The following FERMT1 variants were observed in gnomAD, a reference collection of about 807,000 sequenced individuals.
FERMT1 encodes the protein FERM domain containing kindlin 1, also known as fermitin family homolog 1.
In FERMT1, 60 loss-of-function variants were observed where a neutral mutation model predicts 85.3. The ratio of observed to expected loss-of-function variants is 0.70; its 90% confidence interval spans 0.57 to 0.87. The LOEUF (loss-of-function observed/expected upper bound fraction) is 0.87, where lower values mean the gene tolerates loss of function less well. Ranked by LOEUF, FERMT1 falls within the 40% of genes least tolerant of loss-of-function variation. The pLI is 0.00. For missense variants in FERMT1, 701 were observed against 818.9 expected, an observed-to-expected ratio of 0.86 and a Z score of 1.76; for synonymous variants, 275 against 301.1, an observed-to-expected ratio of 0.91 and a Z score of 0.90.
chr20:6,087,580 G>C (rs917707523), intron 11 of FERMT1, 197 bp downstream of exon 11: 3 of 587,254 alleles, frequency 5.1e-6, no homozygotes, highest in Non-Finnish European at 9.6e-6. Flanking sequence ...CAAAGTGCTG[G>C]GATTACAGGT....
chr20:6,106,846 A>G (rs551535587), intron 6 of FERMT1, among the ~76,000 whole-genome samples: 4 of 152,232 alleles, frequency 2.6e-5, no homozygotes, highest in African/African-American at 9.6e-5. Flanking sequence ...TAGCTTGTTC[A>G]TGGGAACCTG....
At chr20:6,102,811 T>C (rs1982697549) in intron 6 of FERMT1, among the ~76,000 whole-genome samples, 1 of 150,984 alleles carries the variant, frequency 6.6e-6, no homozygotes, top group African/African-American at 2.4e-5. Flanking sequence ...CAGTAAACCC[T>C]CCACCCTCGT....
At chr20:6,116,784 T>A (rs1199854243) in intron 2 of FERMT1, among the ~76,000 whole-genome samples, 1 of 151,998 alleles carries the variant, frequency 6.6e-6, no homozygotes, top group Non-Finnish European at 1.5e-5. Flanking sequence ...TACATTTAGA[T>A]ACCGTGGAGG....
rs2232067 is a variant in FERMT1 at position 6,094,810 on chromosome 20, G to C, written c.1139+129C>G. On this transcript the variant is annotated intron_variant, in intron 9 of 14. Coordinates refer to ENST00000217289, the MANE Select transcript of FERMT1 (RefSeq NM_017671.5). ...CTACGACTCAACCCATTGTTTGTCT[G>C]ATGGCAAAGCGCACATTTTACCTTT... The C allele has an allele frequency of 1.2e-3, 880 of 709,000 alleles. 9 individuals carry two copies. In the African/African-American group the frequency reaches 0.013, roughly 11 times the overall value. 43.9% of individuals were successfully genotyped at this position (709,000 alleles called of 1,614,324 possible).
At position 6,096,946 on chromosome 20, in the gene FERMT1, TAGAA is replaced by T; in HGVS notation, c.1041_1044del (p.Ser348IlefsTer4). The T allele has an allele frequency of 6.2e-7, 1 of 1,614,106 alleles. No individual in the cohort carries two copies. The highest frequency in any genetic ancestry group is 8.5e-7 in the Non-Finnish European group (1 of 1,179,974). On this transcript the variant is annotated frameshift_variant, in exon 8 of 15. Transcript: ENST00000217289. LOFTEE classifies it high-confidence loss of function. ...CCACCTTCTAGGGTTACTTCCAAAT[TAGAA>T]AGCGCCGCTTCTATTTCATCAACCT...
At chr20:6,094,047 T>C (rs1217519941) in intron 9 of FERMT1, 1 of 152,258 alleles carries the variant, frequency 6.6e-6, no homozygotes, top group Non-Finnish European at 1.5e-5. Context: ...ACCATACCTG[T>C]AGAAACCCAG....
intron 9 of FERMT1, 63 bp from the exon 10 acceptor site, chr20:6,089,152 T>A: frequency 6.5e-7 from 1 of 1,535,376 alleles, no homozygotes; most frequent in Non-Finnish European, 9.0e-7. Context: ...ACGCTGCAGA[T>A]TTCAAGCAGA....
Position 6,104,324 on chromosome 20 carries a change from G to A in FERMT1, c.849+3208C>T, listed in dbSNP as rs1353511274. On this transcript the variant is annotated intron_variant, in intron 6 of 14. Transcript: ENST00000217289. The surrounding 1 kb of genome is among the most constrained non-coding windows in gnomAD (Gnocchi z 4.2). ...CTGTAGATTTTAGTTTCTACTTGTA[G>A]GGTGCCTTGTAAATTTGCAGTGGCT... Among the ~76,000 whole-genome samples, 1 of 152,138 alleles carries A rather than the reference G, an allele frequency of 6.6e-6. No individual in the cohort carries two copies. The highest frequency in any genetic ancestry group is 1.9e-4 in the East Asian group (1 of 5,200).
chr20:6,095,628 G>A (rs908662114), intron 8 of FERMT1, among the ~76,000 whole-genome samples: 1 of 152,192 alleles, frequency 6.6e-6, no homozygotes, highest in Non-Finnish European at 1.5e-5. Context: ...AGGGAGGGAG[G>A]ACATAACTTT....
intron 13 of FERMT1, among the ~76,000 whole-genome samples, chr20:6,083,693 TAAAAAAAAAAAACA>T (rs1982072197): frequency 2.0e-5 from 2 of 99,692 alleles, no homozygotes; most frequent in African/African-American, 3.8e-5. Flanking sequence ...CCCGATCTCT[TAAAAAAAAAAAACA>T]AAAAAAAAAA....
intron 9 of FERMT1, chr20:6,094,054 C>T (rs933176329): frequency 1.3e-5 from 2 of 152,294 alleles, no homozygotes; most frequent in African/African-American, 2.4e-5. Flanking sequence ...CTGTAGAAAC[C>T]CAGTGACAAA....
intron 2 of FERMT1, among the ~76,000 whole-genome samples, chr20:6,116,787 C>T (rs1177326799): frequency 6.6e-6 from 1 of 151,596 alleles, no homozygotes; most frequent in South Asian, 2.1e-4. Flanking sequence ...ATTTAGATAC[C>T]GTGGAGGAAA....
chr20:6,117,104 C>A (rs535462809), intron 2 of FERMT1, among the ~76,000 whole-genome samples: 5 of 152,306 alleles, frequency 3.3e-5, no homozygotes, highest in Admixed American at 6.5e-5. Flanking sequence ...AATGTTAGCA[C>A]CAATGTCAAT....
At chr20:6,108,560 AG>A (rs1328044710) in intron 5 of FERMT1, among the ~76,000 whole-genome samples, 1 of 152,156 alleles carries the variant, frequency 6.6e-6, no homozygotes, top group African/African-American at 2.4e-5. Flanking sequence ...CTGTAATTCC[AG>A]CACCTTGGGA....
intron 5 of FERMT1, among the ~76,000 whole-genome samples, chr20:6,108,653 C>T (rs8125018): frequency 0.1 from 15,645 of 151,842 alleles, 875 homozygotes; most frequent in African/African-American, 0.14. Context: ...CTACTAAAAA[C>T]GCAAAAATTA....
chr20:6,092,913 C>T (rs1472694773), intron 9 of FERMT1, among the ~76,000 whole-genome samples: 1 of 151,998 alleles, frequency 6.6e-6, no homozygotes, highest in East Asian at 1.9e-4. Context: ...TGTAAGTTGG[C>T]ATTTCTGTTT....
rs1982525322 is a variant in FERMT1 at position 6,097,098 on chromosome 20, A to G, written c.958-65T>C. ...AAATGTTATAAATATAAATGAATCC[A>G]TTAGCCATTTTTTTCTTTGAGGACT... is the stretch of plus-strand genomic sequence containing the variant. On this transcript the variant is annotated intron_variant, in intron 7 of 14. Transcript: ENST00000217289. 7 of 1,520,322 alleles carry G rather than the reference A, an allele frequency of 4.6e-6. No individual in the cohort carries two copies. The Admixed American group carries it at 5.0e-5, about 11-fold the overall frequency. The allele number at this position is 1,520,322 out of a possible 1,614,324, so 94.2% of individuals were successfully genotyped here.
chr20:6,108,968 ATCTGTGCTG>A (rs1478952104), intron 5 of FERMT1, among the ~76,000 whole-genome samples: 1 of 152,170 alleles, frequency 6.6e-6, no homozygotes, highest in Non-Finnish European at 1.5e-5. Context: ...AAATATTCAT[ATCTGTGCTG>A]TCTGATGCAT....
intron 9 of FERMT1, among the ~76,000 whole-genome samples, chr20:6,094,412 G>A (rs1317632411): frequency 6.6e-6 from 1 of 152,210 alleles, no homozygotes; most frequent in Non-Finnish European, 1.5e-5. Flanking sequence ...ACTTAAACAG[G>A]TAGATAAACT....
Sources: gnomAD v4.1 joint callset for allele counts (sites outside exome capture counted in the v4.1 genomes callset) on GRCh38, gnomAD v4.1.1 for gene constraint, Gnocchi (gnomAD v3.1) non-coding constraint, MANE v1.5 for transcripts, NCBI Gene and HGNC (gene_info 2026-07-23, HGNC 2026-07-21) for gene names.